DYDC1: variants seen among roughly 807,000 people sequenced by gnomAD.
DYDC1 encodes the protein DPY30 domain containing 1.
A neutral mutation model predicts 27.9 loss-of-function variants in DYDC1; 21 were observed. The observed-to-expected ratio is 0.75, with a 90% CI of 0.53 to 1.08. DYDC1 has a LOEUF of 1.08. DYDC1 is among the 50% of genes least tolerant of loss of function. The probability of loss-of-function intolerance (pLI) is 0.00; values close to 1 mark genes in which losing one functional copy is unlikely to be tolerated. For synonymous variants in DYDC1, 67 were observed against 65.8 expected (o/e 1.02, Z -0.09); for missense variants, 202 against 205.9 (o/e 0.98, Z 0.12).
chr10:80,351,022 G>A (rs149519387), intron 3 of DYDC1, among the ~76,000 whole-genome samples: 19 of 152,220 alleles, frequency 1.2e-4, no homozygotes, highest in African/African-American at 4.6e-4. Context: ...CAAATGGCAC[G>A]ATTATCAGTA....
intron 1 of DYDC1, chr10:80,356,322 G>C: frequency 1.0e-6 from 1 of 985,586 alleles, no homozygotes. Flanking sequence ...GCGTGAAGAA[G>C]GTGCCACAGA....
rs74595568 is a variant in DYDC1 at position 80,343,616 on chromosome 10, T to C, written c.250-1255A>G. On this transcript the variant is annotated intron_variant, in intron 3 of 6. Transcript: ENST00000372202. ...GCGAGACCCCCATCTCTAAACAAAA[T>C]TTTGAGAAAAAAAAAAGAAAAATAG... 9.3e-3 allele frequency among the ~76,000 whole-genome samples: 1,407 copies of C among 150,756 alleles called. 24 individuals are homozygous for C. The highest frequency in any genetic ancestry group is 0.033 in the African/African-American group (1,337 of 40,994).
At chr10:80,340,242 T>G (rs1251092499) in intron 4 of DYDC1, among the ~76,000 whole-genome samples, 2 of 152,196 alleles carry the variant, frequency 1.3e-5, no homozygotes, top group Non-Finnish European at 2.9e-5. Context: ...AGTTTATGTG[T>G]TAAACCCTTC....
chr10:80,349,177 C>T (rs569382714), intron 3 of DYDC1, among the ~76,000 whole-genome samples: 67 of 152,354 alleles, frequency 4.4e-4, no homozygotes, highest in African/African-American at 1.5e-3. Context: ...AGGCGTGAGC[C>T]ACCGCGCCCG....
intron 5 of DYDC1, among the ~76,000 whole-genome samples, 153 bp downstream of exon 5, chr10:80,338,944 T>C (rs1413300395): frequency 6.6e-6 from 1 of 152,242 alleles, no homozygotes; most frequent in Non-Finnish European, 1.5e-5. Context: ...AAGCACATTA[T>C]TTGTGACTTG....
intron 4 of DYDC1, among the ~76,000 whole-genome samples, chr10:80,341,598 C>G (rs563490058): frequency 1.3e-5 from 2 of 151,830 alleles, no homozygotes; most frequent in South Asian, 4.2e-4. Flanking sequence ...TTGGAATACC[C>G]TCAATATTCA....
chr10:80,338,508 A>G lies in DYDC1; in HGVS notation c.463T>C (p.Leu155=). The change falls in exon 6 of 7, where the codon TTG becomes CTG. Residue 155 remains leucine (L), a synonymous_variant. Coordinates refer to ENST00000372202, the MANE Select transcript of DYDC1 (RefSeq NM_001269053.2). ...TCATCAAGTTCTTCCACTCTGCTCA[A>G]GTTAGGTGCTCCATAACGATCGCTG... ...EISDRYGAPN[L]SRVEELDEPM... 1 of 1,613,016 alleles carries G rather than the reference A, an allele frequency of 6.2e-7. No individual in the cohort carries two copies. Among genetic ancestry groups the G allele is most frequent in the Non-Finnish European group, 8.5e-7 (1 of 1,179,586 alleles).
rs183509626 is a variant in DYDC1, at chr10:80,346,705, C to T, written c.250-4344G>A. 4.7e-3 allele frequency among the ~76,000 whole-genome samples: 714 copies of T among 151,402 alleles called. 3 individuals are homozygous for T. Among genetic ancestry groups the T allele is most frequent in the African/African-American group, 0.017 (682 of 41,316 alleles). ...TCAATCTCCTGACTTTGTGATCTGC[C>T]CGCCTCAGCCTCCCGAAGTGCTGGG... On this transcript the variant is annotated intron_variant, in intron 3 of 6. Transcript: ENST00000372202.
At chr10:80,349,277 T>C (rs1448934620) in intron 3 of DYDC1, among the ~76,000 whole-genome samples, 1 of 152,244 alleles carries the variant, frequency 6.6e-6, no homozygotes, top group Non-Finnish European at 1.5e-5. Context: ...TTTTAAAAAC[T>C]TTTTTAAATT....
intron 3 of DYDC1, among the ~76,000 whole-genome samples, chr10:80,349,098 C>T (rs1365830507): frequency 6.6e-6 from 1 of 151,970 alleles, no homozygotes; most frequent in African/African-American, 2.4e-5. Flanking sequence ...TCACCGCGTT[C>T]GCCAGGATGG....
At chr10:80,343,122 C>G (rs749871685) in intron 3 of DYDC1, among the ~76,000 whole-genome samples, 2 of 152,080 alleles carry the variant, frequency 1.3e-5, no homozygotes, top group South Asian at 4.1e-4. Flanking sequence ...CAAAGCCAAC[C>G]CACCTCCTGT....
chr10:80,350,762 A>C (rs1208252206), intron 3 of DYDC1, among the ~76,000 whole-genome samples: 1 of 152,204 alleles, frequency 6.6e-6, no homozygotes, highest in Non-Finnish European at 1.5e-5. Flanking sequence ...ATCTGGTAGA[A>C]CTATGGAAGT....
chr10:80,344,689 C>T (rs878905312), intron 3 of DYDC1: 3 of 253,780 alleles, frequency 1.2e-5, no homozygotes, highest in Admixed American at 4.5e-5. Flanking sequence ...ATAAGTCTCA[C>T]GAGATCTGAT....
chr10:80,349,328 GATT>G (rs1235192546), intron 3 of DYDC1, among the ~76,000 whole-genome samples: 10 of 152,100 alleles, frequency 6.6e-5, no homozygotes, highest in South Asian at 2.1e-4. Flanking sequence ...TATATTCAGT[GATT>G]ATTATTTGAA....
At chr10:80,352,350 C>A in intron 2 of DYDC1, 105 bp downstream of exon 2, 2 of 1,342,536 alleles carry the variant, frequency 1.5e-6, no homozygotes, top group Non-Finnish European at 9.7e-7. Flanking sequence ...GTATAATAAA[C>A]ATTATTTTTA....
At chr10:80,339,392 A>G (rs936710465) in intron 4 of DYDC1, among the ~76,000 whole-genome samples, 22 of 152,226 alleles carry the variant, frequency 1.4e-4, no homozygotes, top group African/African-American at 5.1e-4. Flanking sequence ...AGTTTTTTAA[A>G]AATGAAATGG....
chr10:80,344,720 C>CT (rs1842506526), intron 3 of DYDC1: 1 of 305,100 alleles, frequency 3.3e-6, no homozygotes, highest in Non-Finnish European at 6.4e-6. Flanking sequence ...GGGGTTTCCA[C>CT]TTTTGCTTCT....
intron 1 of DYDC1, among the ~76,000 whole-genome samples, chr10:80,353,622 C>T (rs957187379): frequency 8.0e-5 from 12 of 150,432 alleles, no homozygotes; most frequent in Non-Finnish European, 1.3e-4. Context: ...GAGGCCGAGG[C>T]GGGCGGATCA....
chr10:80,352,442 G>A lies in DYDC1; in HGVS notation c.147+13C>T. On this transcript the variant is annotated intron_variant, in intron 2 of 6. Transcript: ENST00000372202. ...TTTTTCTTCTAATTTCCTAGAAGGA[G>A]ATTCCTACTTACCAGTTGTTCCATG... is the stretch of plus-strand genomic sequence containing the variant. The A allele has an allele frequency of 1.3e-6, 2 of 1,572,392 alleles. No individual in the cohort carries two copies. The highest frequency in any genetic ancestry group is 1.9e-5 in the Admixed American group (1 of 52,042).
Sources: gnomAD v4.1 joint callset for allele counts (sites outside exome capture counted in the v4.1 genomes callset) on GRCh38, gnomAD v4.1.1 for gene constraint, MANE v1.5 for transcripts, NCBI Gene and HGNC (gene_info 2026-07-23, HGNC 2026-07-21) for gene names.